The following AGRN variants were observed in gnomAD, a reference collection of about 807,000 sequenced individuals.
AGRN encodes agrin proteoglycan.
A neutral mutation model predicts 211.0 loss-of-function variants in AGRN; 106 were observed. The ratio of observed to expected loss-of-function variants is 0.50; its 90% CI spans 0.43 to 0.59. The LOEUF (loss-of-function observed/expected upper bound fraction) is 0.59. Among genes scored for constraint, AGRN ranks in the 20% least tolerant of loss-of-function variants. The pLI is 0.00. For missense variants in AGRN, 3,040 were observed against 2,982.6 expected (o/e 1.02, Z -0.45); for synonymous variants, 1,525 against 1,332.5 (o/e 1.14, Z -3.15).
chr1:1,042,260 G>A, intron 7 of AGRN, 98 bp downstream of exon 7: 1 of 1,414,724 alleles, frequency 7.1e-7, no homozygotes, highest in Non-Finnish European at 9.5e-7. Flanking sequence ...TGTTCCTCTT[G>A]GGGTCCTGGG....
rs574286299 is a variant in AGRN at position 1,033,906 on chromosome 1, C to G, written c.464-1371C>G. Among the ~76,000 whole-genome samples the G allele has an allele frequency of 2.7e-4, 41 of 151,676 alleles. No homozygotes were observed. The South Asian group carries it at 8.6e-3, about 32-fold the overall frequency. On this transcript the variant is annotated intron_variant, in intron 2 of 35. Coordinates refer to ENST00000379370, the MANE Select transcript of AGRN (RefSeq NM_198576.4). ...CTCCCGTCCGCATCCGCCCGATCCT[C>G]TGGAACTCCCCGCGGACGCCGGGGT...
In AGRN at chr1:1,022,455, TGTGGAAGGTGCGTG is replaced by T. The variant is rs1438814044; in HGVS notation, c.461_463+11del. 1 of 1,608,494 alleles carries T rather than the reference TGTGGAAGGTGCGTG, an allele frequency of 6.2e-7. No homozygotes were observed. Among genetic ancestry groups the T allele is most frequent in the Non-Finnish European group, 8.5e-7 (1 of 1,176,584 alleles). On this transcript the variant is annotated splice_donor_variant and splice_donor_5th_base_variant and coding_sequence_variant and intron_variant, in exon 2 of 36. Coordinates refer to ENST00000379370, the MANE Select transcript of AGRN (RefSeq NM_198576.4). LOFTEE classifies it high-confidence loss of function. ...GGAACCTGGAGGAGGTGGAGTTCTG[TGTGGAAGGTGCGTG>T]GTGGGGGGCTCGTGTGGGGGCCTGT... is the stretch of plus-strand genomic sequence containing the variant.
chr1:1,034,275 G>A, intron 2 of AGRN: 2 of 985,462 alleles, frequency 2.0e-6, no homozygotes, highest in Non-Finnish European at 2.4e-6. Flanking sequence ...TGGGCAGCAG[G>A]GGTGGCTGCG....
chr1:1,029,386 G>GGAC (rs368498839), intron 2 of AGRN, among the ~76,000 whole-genome samples: 8 of 77,576 alleles, frequency 1.0e-4, no homozygotes, highest in East Asian at 6.8e-4. Context: ...CAGGTGGGGG[G>GGAC]ATCAGTGTCT....
chr1:1,042,540 C>A (rs140572289), intron 7 of AGRN, among the ~76,000 whole-genome samples: 1 of 152,200 alleles, frequency 6.6e-6, no homozygotes, highest in African/African-American at 2.4e-5. Context: ...GAGGCAGTGT[C>A]AGGACTTGAA....
At chr1:1,050,204 G>A (rs767521604) in intron 27 of AGRN, 29 bp from the exon 28 acceptor site, 1 of 1,612,036 alleles carries the variant, frequency 6.2e-7, no homozygotes, top group East Asian at 2.2e-5. Flanking sequence ...CGGGGGTCAG[G>A]ACTGAGGCCT....
chr1:1,055,096 CCCTT>C lies in AGRN; in HGVS notation c.*118_*121del, dbSNP rs1384130202. Reference sequence around the variant, plus strand: ...GCCGGAGGGACTGCTGGCCCGGCCTCCCTTCCGTCCAGGCAGCCGTGCTGCAGAC... The same window carrying C: ...GCCGGAGGGACTGCTGGCCCGGCCTCCCGTCCAGGCAGCCGTGCTGCAGAC... On this transcript the variant is annotated 3_prime_UTR_variant, in exon 36 of 36. Transcript: ENST00000379370. 4 of 1,475,830 alleles carry C rather than the reference CCCTT, an allele frequency of 2.7e-6. No individual in the cohort carries two copies. Among genetic ancestry groups the C allele is most frequent in the Non-Finnish European group, 3.7e-6 (4 of 1,094,994 alleles). 91.4% of individuals were successfully genotyped at this position (1,475,830 alleles called of 1,614,324 possible).
In AGRN at chr1:1,047,441, G is replaced by A; in HGVS notation, c.3503G>A (p.Ser1168Asn). ...KSELFGETAR[S>N]IESTLDDLFR... ...GAACTGTTCGGGGAGACAGCCAGGA[G>A]CATTGAGAGCACCGTAAGACGGGGG... The change falls in exon 20 of 36, where the codon AGC becomes AAC. Residue 1168 changes from serine to asparagine, a missense_variant. Around this residue, in one of 3 missense-constraint regions of AGRN, gnomAD observed 1,537 missense variants for 1,505.0 expected, o/e 1.02. Transcript: ENST00000379370. The A allele has an allele frequency of 1.2e-6, 2 of 1,612,816 alleles. No homozygotes were observed. Among genetic ancestry groups the A allele is most frequent in the East Asian group, 2.2e-5 (1 of 44,886 alleles).
intron 7 of AGRN, among the ~76,000 whole-genome samples, 171 bp downstream of exon 7, chr1:1,042,333 G>A (rs374868319): frequency 6.6e-6 from 1 of 152,306 alleles, no homozygotes; most frequent in African/African-American, 2.4e-5. Flanking sequence ...AGGGTACCTG[G>A]ATACCTGGGG....
chr1:1,039,704 G>T (rs1644883508), intron 3 of AGRN, among the ~76,000 whole-genome samples: 1 of 152,078 alleles, frequency 6.6e-6, no homozygotes, highest in Admixed American at 6.5e-5. Flanking sequence ...GTCTGCAGCT[G>T]TAAGAACTAA....
chr1:1,047,609 G>A lies in AGRN; in HGVS notation c.3553G>A (p.Asp1185Asn), dbSNP rs990405591. The A allele has an allele frequency of 6.2e-7, 1 of 1,612,886 alleles. No individual in the cohort carries two copies. Among genetic ancestry groups the A allele is most frequent in the African/African-American group, 1.3e-5 (1 of 74,922 alleles). ...DLFRNSDVKK[D>N]FRSVRLRDLG... The stretch of plus-strand genomic sequence containing the variant: ...CTTCCGGAATTCAGACGTCAAGAAG[G>A]ATTTTCGGAGTGTCCGCTTGCGGGA... Residue 1185 changes from aspartate to asparagine, a missense_variant, in exon 21 of 36, where the codon GAT (aspartate) becomes AAT (asparagine). Physicochemically the swap from Asp to Asn is conservative, Grantham distance 23. Around this residue, in one of 3 missense-constraint regions of AGRN, gnomAD observed 1,537 missense variants for 1,505.0 expected, o/e 1.02. Coordinates refer to ENST00000379370, the MANE Select transcript of AGRN (RefSeq NM_198576.4).
At chr1:1,020,418 C>T in intron 1 of AGRN, 45 bp downstream of exon 1, 1 of 1,472,608 alleles carries the variant, frequency 6.8e-7, no homozygotes, top group South Asian at 1.3e-5. Flanking sequence ...CGCCTGCCGC[C>T]CCGCCGGGAC....
Position 1,043,770 on chromosome 1 carries a change from G to T in AGRN, c.1798+38G>T, listed in dbSNP as rs201288456. On this transcript the variant is annotated intron_variant, in intron 9 of 35. Transcript: ENST00000379370. ...CTGGGGCCGGGCGGGCCAGGGTCCT[G>T]TGCCTCCCTCAGCCTGGGCCTGCCG... 14 of 1,604,550 alleles carry T rather than the reference G, an allele frequency of 8.7e-6. No homozygotes were observed. The African/African-American group carries it at 1.5e-4, about 17-fold the overall frequency.
chr1:1,041,680 C>G lies in AGRN; in HGVS notation c.1155C>G (p.Arg385=). Reference sequence around the variant, plus strand: ...GGGGTCTCCTCCTGCAGAAAGTGCGCTCCGGCCAGTGCCAGGGTCGAGGTG... The same window carrying G: ...GGGGTCTCCTCCTGCAGAAAGTGCGGTCCGGCCAGTGCCAGGGTCGAGGTG... ...AARGLLLQKV[R]SGQCQGRDQC... is the part of the protein sequence containing the mutation. The change falls in exon 6 of 36, where the codon CGC becomes CGG. Residue 385 remains arginine (R), a synonymous_variant. Transcript: ENST00000379370. The G allele has an allele frequency of 6.2e-7, 1 of 1,608,154 alleles. No individual in the cohort carries two copies. The highest frequency in any genetic ancestry group is 8.5e-7 in the Non-Finnish European group (1 of 1,177,096).
In AGRN at chr1:1,049,428, C is replaced by T. The variant is rs1006659162; in HGVS notation, c.4491C>T (p.Gly1497=). 23 of 1,599,110 alleles carry T rather than the reference C, an allele frequency of 1.4e-5. No individual in the cohort carries two copies. The East Asian group carries it at 2.0e-4, about 14-fold the overall frequency. ...TGGACACAGACCTCTTTGTGGGCGGCGTACCCGAGGACCAGGCTGCCGTGT... is the reference window on the plus strand; with the variant it reads ...TGGACACAGACCTCTTTGTGGGCGGTGTACCCGAGGACCAGGCTGCCGTGT... The part of the protein sequence containing the change: ...LNLDTDLFVG[G]VPEDQAAVAL... The change falls in exon 25 of 36, where the codon GGC becomes GGT. Residue 1497 remains glycine (G), a synonymous_variant. Coordinates refer to ENST00000379370, the MANE Select transcript of AGRN (RefSeq NM_198576.4).
In AGRN at chr1:1,047,347, G is replaced by T; in HGVS notation, c.3409G>T (p.Val1137Phe). The change falls in exon 20 of 36, where the codon GTC becomes TTC. Residue 1137 changes from valine to phenylalanine, a missense_variant. By Grantham distance (50) the Val-to-Phe change is conservative (BLOSUM62 -1). This residue lies in a region of AGRN where 1,537 missense variants were observed against 1,505.0 expected (regional missense o/e 1.02). Transcript: ENST00000379370. Reference protein sequence around the residue: ...NCPATKVFQGVLELEGVEGQE... With the variant: ...NCPATKVFQGFLELEGVEGQE... ...CACAGCCACCAAGGTGTTCCAGGGC[G>T]TCCTGGAGCTGGAGGGCGTCGAGGG... 3 of 1,606,826 alleles carry T rather than the reference G, an allele frequency of 1.9e-6. No individual in the cohort carries two copies. Among genetic ancestry groups the T allele is most frequent in the Non-Finnish European group, 2.5e-6 (3 of 1,176,938 alleles).
At position 1,041,287 on chromosome 1, in the gene AGRN, A is replaced by C. The variant is rs773291866; in HGVS notation, c.842A>C (p.Glu281Ala). 4.6e-6 allele frequency: 7 copies of C among 1,514,146 alleles called. No individual in the cohort carries two copies. The highest frequency in any genetic ancestry group is 1.2e-5 in the South Asian group (1 of 82,280). The allele number at this position is 1,514,146 out of a possible 1,614,324, so 93.8% of individuals were successfully genotyped here. A position where few individuals can be genotyped will look rare whatever the true frequency, so the allele number is the denominator to read the frequency against. ...CCCGCGACCTGCCGTGGCGCCCCCG[A>C]GGGGACCGTCTGCGGCAGCGACGGC... ...LCPATCRGAP[E>A]GTVCGSDGAD... Residue 281 changes from glutamate (E) to alanine (A), a missense_variant, in exon 5 of 36, where the codon GAG becomes GCG. Transcript: ENST00000379370.
At position 1,051,515 on chromosome 1, in the gene AGRN, G is replaced by T. The variant is rs564987392; in HGVS notation, c.5433G>T (p.Thr1811=). 1.3e-5 allele frequency: 21 copies of T among 1,567,276 alleles called. No individual in the cohort carries two copies. The South Asian group carries it at 2.3e-4, about 17-fold the overall frequency. The change falls in exon 32 of 36, where the codon ACG becomes ACT. Residue 1811 remains threonine, a synonymous_variant. Coordinates refer to ENST00000379370, the MANE Select transcript of AGRN (RefSeq NM_198576.4). ...PEHVLRQVDV[T]SFAGHPCTRA... ...ACGTGCTGCGGCAGGTGGACGTCAC[G>T]TCCTTTGCAGGTCACCCCTGCACCC... is the stretch of plus-strand genomic sequence containing the variant.
intron 2 of AGRN, among the ~76,000 whole-genome samples, chr1:1,023,219 C>T (rs1644449078): frequency 6.6e-6 from 1 of 152,204 alleles, no homozygotes; most frequent in Non-Finnish European, 1.5e-5. Context: ...GTCCTGACTT[C>T]CCGTCTCTCC....
Sources: allele counts gnomAD v4.1 joint callset (sites outside exome capture counted in the v4.1 genomes callset), GRCh38; gene constraint gnomAD v4.1.1; regional missense constraint gnomAD v4.1.1; transcripts MANE v1.5; gene names NCBI Gene and HGNC (gene_info 2026-07-23, HGNC 2026-07-21).